The following PTPA variants were observed in gnomAD, a reference collection of about 807,000 sequenced individuals.
The protein encoded by PTPA is serine/threonine-protein phosphatase 2A activator.
A neutral mutation model predicts 43.6 loss-of-function variants in PTPA; 13 were observed. The ratio of observed to expected loss-of-function variants is 0.30; its 90% CI spans 0.19 to 0.47. The LOEUF is 0.47. PTPA is among the 20% of genes least tolerant of loss of function. The probability of loss-of-function intolerance (pLI) is 0.99; values close to 1 mark genes in which losing one functional copy is unlikely to be tolerated. For synonymous variants in PTPA, 172 were observed against 158.2 expected, an observed-to-expected ratio of 1.09 and a Z score of -0.66; for missense variants, 329 against 411.9, an observed-to-expected ratio of 0.80 and a Z score of 1.74.
intron 8 of PTPA, among the ~76,000 whole-genome samples, chr9:129,141,132 A>C (rs1378217926): frequency 6.6e-6 from 1 of 151,952 alleles, no homozygotes; most frequent in South Asian, 2.1e-4. Flanking sequence ...GAGGGAAATG[A>C]GGGGGATAAA....
Position 129,127,823 on chromosome 9 carries a change from A to C in PTPA, c.217-1162A>C, listed in dbSNP as rs75702275. Reference sequence around the variant, plus strand: ...GAGTTGCAAGCTGATTTACCATAGCATTGTGTATGAAATAGGTAGTGAAAC... The same window carrying C: ...GAGTTGCAAGCTGATTTACCATAGCCTTGTGTATGAAATAGGTAGTGAAAC... On this transcript the variant is annotated intron_variant, in intron 3 of 9. Transcript: ENST00000393370. 174 of 461,188 alleles carry C rather than the reference A, an allele frequency of 3.8e-4. 1 individual carries two copies. Among genetic ancestry groups the C allele is most frequent in the African/African-American group, 3.4e-3 (170 of 49,354 alleles). The allele number at this position is 461,188 out of a possible 1,614,324, so 28.6% of individuals were successfully genotyped here.
chr9:129,142,235 C>T (rs917460122), intron 8 of PTPA: 4 of 457,886 alleles, frequency 8.7e-6, no homozygotes, highest in Admixed American at 4.1e-5. Flanking sequence ...AAAGGGGAAC[C>T]TTGTCTCTGG....
intron 1 of PTPA, among the ~76,000 whole-genome samples, chr9:129,114,238 G>A (rs1848726450): frequency 6.6e-6 from 1 of 152,174 alleles, no homozygotes; most frequent in African/African-American, 2.4e-5. Flanking sequence ...GGCCAGGCTG[G>A]TCTCGAACTC....
At chr9:129,111,719 A>G in intron 1 of PTPA, 88 bp downstream of exon 1, 1 of 1,241,528 alleles carries the variant, frequency 8.1e-7, no homozygotes, top group Non-Finnish European at 1.0e-6. Flanking sequence ...GAGAGTCATG[A>G]CACGGAGGAA....
chr9:129,128,062 T>G, intron 3 of PTPA: 1 of 1,330,306 alleles, frequency 7.5e-7, no homozygotes, highest in South Asian at 1.2e-5. Context: ...ACTGTGCACC[T>G]TCGGAGGTAT....
rs1849700546 is a variant in PTPA at position 129,128,081 on chromosome 9, A to C, written c.217-904A>C. The C allele has an allele frequency of 3.8e-6, 5 of 1,315,766 alleles. No individual in the cohort carries two copies. In the African/African-American group the frequency reaches 7.5e-5, roughly 20 times the overall value. 81.5% of individuals were successfully genotyped at this position (1,315,766 alleles called of 1,614,324 possible). ...TGCACCTTCGGAGGTATTTATCATCAGCCCCATTTTTTAGACGAAGAAACT... is the reference window on the plus strand; with the variant it reads ...TGCACCTTCGGAGGTATTTATCATCCGCCCCATTTTTTAGACGAAGAAACT... On this transcript the variant is annotated intron_variant, in intron 3 of 9. Coordinates refer to ENST00000393370, the MANE Select transcript of PTPA (RefSeq NM_178000.3).
chr9:129,136,059 C>G (rs12351246), intron 6 of PTPA, among the ~76,000 whole-genome samples: 9,500 of 152,212 alleles, frequency 0.062, 955 homozygotes, highest in African/African-American at 0.21. Flanking sequence ...GCTCTGCCTC[C>G]TGGGTTCATG....
chr9:129,142,719 T>G, intron 9 of PTPA, 167 bp downstream of exon 9: 2 of 1,539,410 alleles, frequency 1.3e-6, no homozygotes, highest in Non-Finnish European at 1.7e-6. Context: ...GAATCTCCCA[T>G]CTGGGGCATG....
At chr9:129,141,344 A>C (rs1298842357) in intron 8 of PTPA, among the ~76,000 whole-genome samples, 1 of 152,150 alleles carries the variant, frequency 6.6e-6, no homozygotes, top group Admixed American at 6.5e-5. Flanking sequence ...AAAATAACCC[A>C]GTCTCCCCTG....
At chr9:129,123,471 CA>C (rs746317993) in intron 3 of PTPA, among the ~76,000 whole-genome samples, 165 of 137,152 alleles carry the variant, frequency 1.2e-3, no homozygotes, top group Non-Finnish European at 1.0e-3. Flanking sequence ...GACTCTGTCT[CA>C]AAAAAAAAAA....
At chr9:129,142,613 C>T (rs980293496) in intron 9 of PTPA, 61 bp downstream of exon 9, 8 of 1,602,624 alleles carry the variant, frequency 5.0e-6, no homozygotes, top group Non-Finnish European at 6.8e-6. Flanking sequence ...GGGCTGGGGA[C>T]AAAGCAAAAG....
At chr9:129,147,202 C>CGTTGT (rs1323418992) in intron 9 of PTPA, among the ~76,000 whole-genome samples, 185 bp from the exon 10 acceptor site, 3 of 152,096 alleles carry the variant, frequency 2.0e-5, no homozygotes, top group African/African-American at 7.2e-5. Context: ...TCGTGGGTCT[C>CGTTGT]GTTGTGGAGT....
At chr9:129,117,800 G>A (rs913634014) in intron 1 of PTPA, among the ~76,000 whole-genome samples, 6 of 151,656 alleles carry the variant, frequency 4.0e-5, no homozygotes, top group African/African-American at 7.3e-5. Context: ...CAGTTCAAGC[G>A]ATTCTCCTGC....
Position 129,143,260 on chromosome 9 carries a change from C to T in PTPA, c.894+708C>T. The T allele has an allele frequency of 7.1e-6, 5 of 699,406 alleles. 1 individual carries two copies. In the South Asian group the frequency reaches 7.4e-5, roughly 10 times the overall value. 43.3% of individuals were successfully genotyped at this position (699,406 alleles called of 1,614,324 possible). On this transcript the variant is annotated intron_variant, in intron 9 of 9. Coordinates refer to ENST00000393370, the MANE Select transcript of PTPA (RefSeq NM_178000.3). ...ACTCTGTCCCTTCTGCTAGCTCCTC[C>T]CACTTCCTGGGAAGACTAATTCTAG... is the stretch of plus-strand genomic sequence containing the variant.
chr9:129,123,689 T>C (rs1023564886), intron 3 of PTPA, among the ~76,000 whole-genome samples: 1 of 152,102 alleles, frequency 6.6e-6, no homozygotes, highest in African/African-American at 2.4e-5. Context: ...TTCTTTCTTT[T>C]TTTTTTATTT....
At position 129,134,897 on chromosome 9, in the gene PTPA, G is replaced by A. The variant is rs200508106; in HGVS notation, c.560+3G>A. ...ATTGTCTTCAAGGTGTTCAATCGGT[G>A]AGAGAAAGGACAGGAGGGTTGGAGG... On this transcript the variant is annotated splice_donor_region_variant and intron_variant, in intron 6 of 9. Coordinates refer to ENST00000393370, the MANE Select transcript of PTPA (RefSeq NM_178000.3). The A allele has an allele frequency of 1.9e-6, 3 of 1,610,378 alleles. No individual in the cohort carries two copies. The highest frequency in any genetic ancestry group is 1.3e-5 in the African/African-American group (1 of 74,798).
intron 2 of PTPA, 155 bp downstream of exon 2, chr9:129,120,765 C>T: frequency 1.6e-6 from 1 of 639,390 alleles, no homozygotes; most frequent in Non-Finnish European, 2.7e-6. Flanking sequence ...TGTCTCTTCC[C>T]TTCAGAGGCA....
Position 129,123,120 on chromosome 9 carries a change from C to T in PTPA, c.198C>T (p.Phe66=), listed in dbSNP as rs781742495. The change falls in exon 3 of 10, where the codon TTC becomes TTT. Residue 66 remains phenylalanine (F), a synonymous_variant. Transcript: ENST00000393370. ...NEGVKGKKLT[F]EYRVSEAIEK... ...GTGTGAAGGGGAAGAAGCTGACCTT[C>T]GAGTACAGAGTCTCCGAGGTAGGCC... is the stretch of plus-strand genomic sequence containing the variant. 12 of 1,610,744 alleles carry T rather than the reference C, an allele frequency of 7.4e-6. No individual in the cohort carries two copies. Among genetic ancestry groups the T allele is most frequent in the Admixed American group, 1.7e-5 (1 of 59,996 alleles).
rs1851375187 is a variant in PTPA at position 129,147,393 on chromosome 9, G to C, written c.901G>C (p.Glu301Gln). The C allele has an allele frequency of 6.2e-7, 1 of 1,613,796 alleles. No individual in the cohort carries two copies. The highest frequency in any genetic ancestry group is 1.3e-5 in the African/African-American group (1 of 74,916). ...LIRMYKAECL[E>Q]KFPVIQHFKF... ...ACCTGCTCCTTCCTCACAGTGCCTGGAGAAGTTCCCTGTGATCCAGCACTT... is the reference window on the plus strand; with the variant it reads ...ACCTGCTCCTTCCTCACAGTGCCTGCAGAAGTTCCCTGTGATCCAGCACTT... The change falls in exon 10 of 10, where the codon GAG becomes CAG. Residue 301 changes from glutamate (E) to glutamine (Q), a missense_variant. Transcript: ENST00000393370.
Sources: allele counts gnomAD v4.1 joint callset (sites outside exome capture counted in the v4.1 genomes callset), GRCh38; gene constraint gnomAD v4.1.1; transcripts MANE v1.5; gene names NCBI Gene and HGNC (gene_info 2026-07-23, HGNC 2026-07-21).